Variants in TNR observed in about 807,000 individuals in gnomAD.
TNR encodes tenascin-R.
In TNR, 45 loss-of-function variants were observed where a neutral mutation model predicts 150.4. The ratio of observed to expected loss-of-function variants is 0.30; its 90% CI spans 0.24 to 0.38. The LOEUF (loss-of-function observed/expected upper bound fraction) is 0.38, where lower values mean the gene tolerates loss of function less well. TNR is among the 10% of genes least tolerant of loss of function. The pLI is 1.00. For missense variants in TNR, 1,544 were observed against 1,759.1 expected, an observed-to-expected ratio of 0.88 and a Z score of 2.19; for synonymous variants, 687 against 678.4, an observed-to-expected ratio of 1.01 and a Z score of -0.20.
intron 2 of TNR, among the ~76,000 whole-genome samples, chr1:175,435,528 C>G (rs1197678529): frequency 6.6e-6 from 1 of 152,092 alleles, no homozygotes; most frequent in African/African-American, 2.4e-5. Flanking sequence ...CTGAGGGGAA[C>G]GTTGAATATA....
At chr1:175,741,263 G>T (rs1667921848) in intron 1 of TNR, among the ~76,000 whole-genome samples, 1 of 152,180 alleles carries the variant, frequency 6.6e-6, no homozygotes, top group Non-Finnish European at 1.5e-5. Flanking sequence ...CTATCCTCTG[G>T]CTTCCCACTT....
intron 2 of TNR, 116 bp from the exon 3 acceptor site, chr1:175,406,893 G>A (rs112015044): frequency 0.11 from 77,108 of 710,930 alleles, 4,564 homozygotes; most frequent in South Asian, 0.16. Flanking sequence ...AGGGGGGGGC[G>A]TCAGGAAGGG....
intron 2 of TNR, among the ~76,000 whole-genome samples, chr1:175,450,543 C>T (rs1656257324): frequency 6.6e-6 from 1 of 152,200 alleles, no homozygotes; most frequent in Non-Finnish European, 1.5e-5. Context: ...TAACATGTAT[C>T]ACACCAGAGA....
At chr1:175,385,060 T>C (rs997012525) in intron 8 of TNR, among the ~76,000 whole-genome samples, 15 of 152,224 alleles carry the variant, frequency 9.9e-5, no homozygotes, top group Non-Finnish European at 2.2e-4. Flanking sequence ...CTGAAGATGC[T>C]GGTTCTTAGA....
At chr1:175,739,203 G>C (rs1223960462) in intron 1 of TNR, among the ~76,000 whole-genome samples, 1 of 152,080 alleles carries the variant, frequency 6.6e-6, no homozygotes, top group Admixed American at 6.6e-5. Context: ...GTTATAATAA[G>C]GTCTCCAAAT....
intron 9 of TNR, among the ~76,000 whole-genome samples, chr1:175,367,566 G>A (rs764489916): frequency 6.6e-6 from 1 of 152,190 alleles, no homozygotes; most frequent in Non-Finnish European, 1.5e-5. Context: ...ACCTTCAGAG[G>A]TGTGCTCACA....
intron 2 of TNR, among the ~76,000 whole-genome samples, chr1:175,488,632 G>A (rs1658112997): frequency 6.6e-6 from 1 of 152,214 alleles, no homozygotes; most frequent in Non-Finnish European, 1.5e-5. Flanking sequence ...CTGCTCTCCA[G>A]GAAAGTCACT....
At chr1:175,494,739 A>G (rs1041111004) in intron 2 of TNR, among the ~76,000 whole-genome samples, 11 of 152,230 alleles carry the variant, frequency 7.2e-5, no homozygotes, top group Non-Finnish European at 1.5e-4. Context: ...CACACCATGT[A>G]TCTGTTCCAT....
intron 1 of TNR, among the ~76,000 whole-genome samples, chr1:175,561,707 T>C (rs959151534): frequency 2.0e-5 from 3 of 152,176 alleles, no homozygotes; most frequent in African/African-American, 7.2e-5. Flanking sequence ...CAAATCTAGA[T>C]TGCAAAATGA....
intron 1 of TNR, among the ~76,000 whole-genome samples, chr1:175,741,147 T>A (rs1194162390): frequency 1.3e-5 from 2 of 152,222 alleles, no homozygotes; most frequent in African/African-American, 2.4e-5. Context: ...TGGCTGCAAG[T>A]CTATCCAATG....
At chr1:175,589,313 T>C (rs1275644333) in intron 1 of TNR, among the ~76,000 whole-genome samples, 4 of 152,182 alleles carry the variant, frequency 2.6e-5, no homozygotes, top group Non-Finnish European at 5.9e-5. Flanking sequence ...TTTAGATGAA[T>C]TGAACCAAAA....
intron 1 of TNR, among the ~76,000 whole-genome samples, chr1:175,577,211 C>T (rs1662153895): frequency 6.6e-6 from 1 of 152,048 alleles, no homozygotes; most frequent in Non-Finnish European, 1.5e-5. Context: ...CAATAGGGGC[C>T]CAGGGAAGAA....
intron 9 of TNR, among the ~76,000 whole-genome samples, chr1:175,376,008 C>T (rs990935705): frequency 6.6e-6 from 1 of 152,062 alleles, no homozygotes; most frequent in African/African-American, 2.4e-5. Flanking sequence ...GCTGGTCTCC[C>T]CCCTGAGTGG....
At position 175,474,618 on chromosome 1, in the gene TNR, G is replaced by T. The variant is rs563818261; in HGVS notation, c.-64+53651C>A. Among the ~76,000 whole-genome samples, 4 of 152,362 alleles carry T rather than the reference G, an allele frequency of 2.6e-5. No individual in the cohort carries two copies. The South Asian group carries it at 8.3e-4, about 32-fold the overall frequency. The stretch of plus-strand genomic sequence containing the variant: ...AGCTCATTCTTAGGGAGAAGAAAGT[G>T]ATCCAAGGGCATGAGAGGGCATCCG... On this transcript the variant is annotated intron_variant, in intron 2 of 22. Transcript: ENST00000367674.
At chr1:175,342,459 A>G (rs923103238) in intron 18 of TNR, among the ~76,000 whole-genome samples, 3 of 152,172 alleles carry the variant, frequency 2.0e-5, no homozygotes, top group African/African-American at 7.2e-5. Context: ...TGGAGGAAAG[A>G]GAGTGCTGGG....
rs560487100 is a variant in TNR, at chr1:175,614,881, G to C, written c.-164-86512C>G. ...TGGGTGACCGGCTGTTCAATGGCAG[G>C]GCATTTGGGTGTCATAAAGGTGACA... On this transcript the variant is annotated intron_variant, in intron 1 of 22. Transcript: ENST00000367674. Among the ~76,000 whole-genome samples the C allele has an allele frequency of 1.6e-4, 25 of 152,306 alleles. No homozygotes were observed. The South Asian group carries it at 5.0e-3, about 30-fold the overall frequency.
intron 15 of TNR, among the ~76,000 whole-genome samples, chr1:175,358,687 G>A (rs1443328408): frequency 6.6e-6 from 1 of 152,176 alleles, no homozygotes; most frequent in Non-Finnish European, 1.5e-5. Flanking sequence ...CCTAAGCCTA[G>A]AGACTTGGAG....
At chr1:175,615,705 T>G (rs1309945163) in intron 1 of TNR, among the ~76,000 whole-genome samples, 3 of 152,178 alleles carry the variant, frequency 2.0e-5, no homozygotes, top group Non-Finnish European at 4.4e-5. Context: ...AGCATGGAGA[T>G]TAAGCGGAGC....
intron 2 of TNR, among the ~76,000 whole-genome samples, chr1:175,408,488 A>C (rs1201233106): frequency 3.9e-5 from 6 of 152,194 alleles, no homozygotes; most frequent in Non-Finnish European, 5.9e-5. Flanking sequence ...CAGCCCTTGC[A>C]TTATATACTA....
Sources: gnomAD v4.1 joint callset for allele counts (sites outside exome capture counted in the v4.1 genomes callset) on GRCh38, gnomAD v4.1.1 for gene constraint, MANE v1.5 for transcripts, NCBI Gene and HGNC (gene_info 2026-07-23, HGNC 2026-07-21) for gene names.